The following PRKG1 variants were observed in gnomAD, a reference collection of about 807,000 sequenced individuals.
PRKG1 encodes the protein cGMP-dependent protein kinase 1.
A neutral mutation model predicts 88.1 loss-of-function variants in PRKG1; 35 were observed. The ratio of observed to expected loss-of-function variants is 0.40; its 90% CI spans 0.30 to 0.53. The LOEUF is 0.53. Ranked by LOEUF, PRKG1 falls within the 20% of genes least tolerant of loss-of-function variation. The pLI is 0.59. For synonymous variants in PRKG1, 303 were observed against 292.5 expected (o/e 1.04, Z -0.37); for missense variants, 540 against 839.8 (o/e 0.64, Z 4.41).
At chr10:51,855,519 C>G (rs1937711) in intron 4 of PRKG1, among the ~76,000 whole-genome samples, 85,571 of 151,974 alleles carry the variant, frequency 0.56, 24,719 homozygotes, top group South Asian at 0.66. Flanking sequence ...GCAATTACTT[C>G]TATGTCCAGC....
At chr10:51,743,161 T>G (rs1837478757) in intron 3 of PRKG1, among the ~76,000 whole-genome samples, 1 of 151,912 alleles carries the variant, frequency 6.6e-6, no homozygotes, top group South Asian at 2.1e-4. Flanking sequence ...CGAAGCAAAT[T>G]AGCTTTCAAT....
chr10:51,457,451 A>G (rs1839617491), intron 2 of PRKG1, among the ~76,000 whole-genome samples: 1 of 152,200 alleles, frequency 6.6e-6, no homozygotes, highest in African/African-American at 2.4e-5. Flanking sequence ...GGGAAGGAAT[A>G]AGAGACTACA....
Position 51,770,776 on chromosome 10 carries a change from T to C in PRKG1, c.593-33809T>C, listed in dbSNP as rs1226866830. On this transcript the variant is annotated intron_variant, in intron 3 of 17. Transcript: ENST00000373980. Reference sequence around the variant, plus strand: ...CCCTACAGCCCCGTTTGTGGAAAAATTGTCTTCCAGGAAAGTGGTCCCCGG... The same window carrying C: ...CCCTACAGCCCCGTTTGTGGAAAAACTGTCTTCCAGGAAAGTGGTCCCCGG... Among the ~76,000 whole-genome samples, 4 of 151,998 alleles carry C rather than the reference T, an allele frequency of 2.6e-5. No homozygotes were observed. In the East Asian group the frequency reaches 7.7e-4, roughly 29 times the overall value.
At chr10:52,133,032 GT>G (rs35658098) in intron 7 of PRKG1, among the ~76,000 whole-genome samples, 50,432 of 151,804 alleles carry the variant, frequency 0.33, 8,690 homozygotes, top group African/African-American at 0.42. Flanking sequence ...CTATCAAATA[GT>G]TAAGTCTTAG....
intron 2 of PRKG1, among the ~76,000 whole-genome samples, chr10:51,218,656 A>G (rs1486342234): frequency 2.6e-5 from 4 of 151,410 alleles, no homozygotes; most frequent in Non-Finnish European, 5.9e-5. Context: ...ACCAATGCAT[A>G]GAAATATTAT....
chr10:51,865,319 AGT>A (rs1247655823), intron 4 of PRKG1, among the ~76,000 whole-genome samples: 2 of 152,110 alleles, frequency 1.3e-5, no homozygotes, highest in Non-Finnish European at 2.9e-5. Context: ...AACATCAGAG[AGT>A]GTTTATTGCC....
intron 3 of PRKG1, among the ~76,000 whole-genome samples, chr10:51,796,970 G>A (rs1464537493): frequency 6.6e-6 from 1 of 151,328 alleles, no homozygotes; most frequent in African/African-American, 2.4e-5. Flanking sequence ...TTTGCTTGGA[G>A]TCTTGCAAGC....
At chr10:51,931,685 G>A (rs902322391) in intron 5 of PRKG1, among the ~76,000 whole-genome samples, 1 of 152,136 alleles carries the variant, frequency 6.6e-6, no homozygotes, top group East Asian at 1.9e-4. Flanking sequence ...ACTAGGGCAA[G>A]TATAATTCAA....
At chr10:51,356,343 A>G (rs375181937) in intron 2 of PRKG1, among the ~76,000 whole-genome samples, 3 of 151,998 alleles carry the variant, frequency 2.0e-5, no homozygotes, top group Admixed American at 6.6e-5. Context: ...ATGCTCAGGG[A>G]GAAAAATCTA....
chr10:51,832,311 A>G (rs1241180002), intron 4 of PRKG1, among the ~76,000 whole-genome samples: 1 of 152,188 alleles, frequency 6.6e-6, no homozygotes, highest in Non-Finnish European at 1.5e-5. Context: ...ACTGATGTTT[A>G]TTAAGCACCT....
At chr10:52,279,485 A>G (rs777885590) in intron 12 of PRKG1, among the ~76,000 whole-genome samples, 4 of 152,202 alleles carry the variant, frequency 2.6e-5, no homozygotes, top group Non-Finnish European at 5.9e-5. Context: ...ATTTCAGTGA[A>G]AACTCAAGTG....
intron 1 of PRKG1, among the ~76,000 whole-genome samples, chr10:51,109,506 G>A (rs1844929289): frequency 6.6e-6 from 1 of 152,146 alleles, no homozygotes; most frequent in South Asian, 2.1e-4. Flanking sequence ...TCAAGAAACA[G>A]TGAGTGCTGG....
intron 2 of PRKG1, among the ~76,000 whole-genome samples, chr10:51,228,951 C>T (rs185710608): frequency 3.3e-5 from 5 of 152,248 alleles, no homozygotes; most frequent in Admixed American, 6.5e-5. Context: ...CCATCATGAC[C>T]GTTATGCAGA....
chr10:52,271,276 T>C, intron 10 of PRKG1, 74 bp from the exon 11 acceptor site: 1 of 1,486,980 alleles, frequency 6.7e-7, no homozygotes, highest in Admixed American at 1.8e-5. Flanking sequence ...GCCATGTACC[T>C]GTTAATTTGG....
chr10:51,373,390 G>T (rs1040952933), intron 2 of PRKG1, among the ~76,000 whole-genome samples: 4 of 152,154 alleles, frequency 2.6e-5, no homozygotes, highest in Admixed American at 6.5e-5. Flanking sequence ...TGATAAGGAG[G>T]TGCTATGATT....
intron 3 of PRKG1, among the ~76,000 whole-genome samples, chr10:51,670,465 G>A (rs553288389): frequency 2.6e-4 from 39 of 150,912 alleles, no homozygotes; most frequent in African/African-American, 8.2e-4. Flanking sequence ...GGCCGGGCGC[G>A]GTGGCTCACG....
intron 1 of PRKG1, among the ~76,000 whole-genome samples, chr10:51,126,436 T>C (rs1350835231): frequency 7.1e-6 from 1 of 141,616 alleles, no homozygotes; most frequent in Non-Finnish European, 1.5e-5. Flanking sequence ...CATATATTTA[T>C]ATAAATATTC....
intron 1 of PRKG1, among the ~76,000 whole-genome samples, chr10:51,053,635 T>C (rs1843592560): frequency 6.6e-6 from 1 of 152,190 alleles, no homozygotes; most frequent in African/African-American, 2.4e-5. Context: ...ACAAGTGACA[T>C]CTTTATTTTT....
rs544689545 is a variant in PRKG1 at position 51,999,984 on chromosome 10, T to C, written c.763-54500T>C. Among the ~76,000 whole-genome samples, 6 of 152,232 alleles carry C rather than the reference T, an allele frequency of 3.9e-5. No individual in the cohort carries two copies. In the East Asian group the frequency reaches 1.2e-3, roughly 29 times the overall value. ...TATTAGTCCAATAAAAGGTTTCAAT[T>C]TGGCTTTTTAATGTACTATGGAATA... On this transcript the variant is annotated intron_variant, in intron 5 of 17. Transcript: ENST00000373980.
Sources: gnomAD v4.1 joint callset for allele counts (sites outside exome capture counted in the v4.1 genomes callset) on GRCh38, gnomAD v4.1.1 for gene constraint, MANE v1.5 for transcripts, NCBI Gene and HGNC (gene_info 2026-07-23, HGNC 2026-07-21) for gene names.